COP1: variants seen among roughly 807,000 people sequenced by gnomAD.
COP1 encodes the protein E3 ubiquitin-protein ligase COP1.
In COP1, 24 loss-of-function variants were observed where a neutral mutation model predicts 101.3. The observed-to-expected ratio is 0.24, with a 90% CI of 0.17 to 0.33. The LOEUF is 0.33. Among genes scored for constraint, COP1 ranks in the 10% least tolerant of loss-of-function variants. The probability of loss-of-function intolerance (pLI) is 1.00; values close to 1 mark genes in which losing one functional copy is unlikely to be tolerated. For missense variants in COP1, 663 were observed against 906.2 expected (o/e 0.73, Z 3.45); for synonymous variants, 347 against 341.9 (o/e 1.01, Z -0.17).
Position 176,207,205 on chromosome 1 carries a change from TGTCGAGGCCGCCGCCGCCACCGCG to T in COP1, c.-251_-228del, listed in dbSNP as rs1442513752. The T allele has an allele frequency of 1.2e-5, 5 of 403,548 alleles. No individual in the cohort carries two copies. Among genetic ancestry groups the T allele is most frequent in the Non-Finnish European group, 2.2e-5 (5 of 230,772 alleles). The allele number at this position is 403,548 out of a possible 1,614,324, so 25.0% of individuals were successfully genotyped here. On this transcript the variant is annotated 5_prime_UTR_variant, in exon 1 of 20. Coordinates refer to ENST00000367669, the MANE Select transcript of COP1 (RefSeq NM_022457.7). The stretch of plus-strand genomic sequence containing the variant: ...AAAGCGGAGTAGAAGGCACTACCGC[TGTCGAGGCCGCCGCCGCCACCGCG>T]GTCCCTGTAGCAGCCAACCCCGGCG...
chr1:176,202,766 T>C (rs1340738690), intron 1 of COP1, among the ~76,000 whole-genome samples: 1 of 152,086 alleles, frequency 6.6e-6, no homozygotes, highest in Non-Finnish European at 1.5e-5. Context: ...GTAATGGCTA[T>C]ATATTGTACT....
intron 11 of COP1, among the ~76,000 whole-genome samples, chr1:176,072,513 C>G (rs897532107): frequency 6.6e-6 from 1 of 152,172 alleles, no homozygotes; most frequent in Non-Finnish European, 1.5e-5. Flanking sequence ...ATTTCTCAAC[C>G]AACCCCAGAT....
intron 5 of COP1, among the ~76,000 whole-genome samples, chr1:176,157,672 CAT>C (rs757801029): frequency 3.9e-5 from 6 of 152,152 alleles, no homozygotes; most frequent in Non-Finnish European, 8.8e-5. Context: ...AACTTAACTA[CAT>C]GTCAGGACAA....
intron 15 of COP1, among the ~76,000 whole-genome samples, chr1:176,023,124 A>T (rs1667042990): frequency 6.6e-6 from 1 of 152,198 alleles, no homozygotes; most frequent in Non-Finnish European, 1.5e-5. Context: ...GCTGAGAAAT[A>T]ACAGCTCTCC....
At chr1:176,165,367 T>TGTGTGTGTGTGTGTGTGTGTGG in intron 3 of COP1, among the ~76,000 whole-genome samples, 1 of 123,646 alleles carries the variant, frequency 8.1e-6, no homozygotes, top group African/African-American at 4.1e-5. Context: ...GTGTCGTGTG[T>TGTGTGTGTGTGTGTGTGTGTGG]GTGTGTGTGT....
intron 15 of COP1, among the ~76,000 whole-genome samples, chr1:176,024,673 A>G (rs1667370158): frequency 6.6e-6 from 1 of 152,184 alleles, no homozygotes; most frequent in Non-Finnish European, 1.5e-5. Flanking sequence ...TCAACTGCAG[A>G]TATGATTCTA....
At chr1:175,955,026 T>C (rs906760684) in intron 18 of COP1, among the ~76,000 whole-genome samples, 22 of 152,140 alleles carry the variant, frequency 1.4e-4, no homozygotes, top group East Asian at 5.8e-4. Flanking sequence ...GGCAGGTGGA[T>C]TGCTTGAGTC....
At chr1:176,022,718 T>C (rs1384453287) in intron 15 of COP1, among the ~76,000 whole-genome samples, 2 of 150,488 alleles carry the variant, frequency 1.3e-5, no homozygotes, top group Admixed American at 1.3e-4. Flanking sequence ...GATGCCTTGC[T>C]GATACTATCC....
At chr1:176,002,951 G>C (rs1165017960) in intron 15 of COP1, among the ~76,000 whole-genome samples, 4 of 147,172 alleles carry the variant, frequency 2.7e-5, no homozygotes, top group African/African-American at 5.0e-5. Context: ...CACAATGGTT[G>C]AACTAGTTTA....
intron 3 of COP1, among the ~76,000 whole-genome samples, chr1:176,167,597 A>G (rs1417977869): frequency 6.6e-6 from 1 of 152,214 alleles, no homozygotes; most frequent in East Asian, 1.9e-4. Context: ...TTTGTTAATT[A>G]TAATTCTACA....
In COP1 at chr1:176,203,389, C is replaced by G. The variant is rs139508019; in HGVS notation, c.407+3183G>C. Among the ~76,000 whole-genome samples the G allele has an allele frequency of 2.6e-3, 400 of 152,268 alleles. 3 individuals carry two copies. The highest frequency in any genetic ancestry group is 9.2e-3 in the African/African-American group (382 of 41,544). On this transcript the variant is annotated intron_variant, in intron 1 of 19. Transcript: ENST00000367669. ...TCATAAAGAGCTTACTATCTACATGCAAACGTATACTTCTGCTGCAAGAAT... is the reference window on the plus strand; with the variant it reads ...TCATAAAGAGCTTACTATCTACATGGAAACGTATACTTCTGCTGCAAGAAT...
chr1:176,114,636 G>C (rs1418224297), intron 9 of COP1, among the ~76,000 whole-genome samples: 2 of 151,910 alleles, frequency 1.3e-5, no homozygotes, highest in African/African-American at 2.4e-5. Flanking sequence ...CACCCAGGCT[G>C]GAGTACACTG....
intron 6 of COP1, among the ~76,000 whole-genome samples, chr1:176,146,955 A>C (rs1183474525): frequency 3.3e-5 from 5 of 152,218 alleles, no homozygotes; most frequent in Non-Finnish European, 7.3e-5. Context: ...AAATGAGTTA[A>C]ATGAATCTTA....
In COP1 at chr1:175,950,214, T is replaced by TAAA. The variant is rs55821760; in HGVS notation, c.2134-2978_2134-2976dup. On this transcript the variant is annotated intron_variant, in intron 18 of 19. Coordinates refer to ENST00000367669, the MANE Select transcript of COP1 (RefSeq NM_022457.7). Reference sequence around the variant, plus strand: ...AGAAACAGATAAATACTTTATGTGTTAAAAAAAAAAAAAGTCAACATACGA... The same window carrying TAAA: ...AGAAACAGATAAATACTTTATGTGTTAAAAAAAAAAAAAAAAGTCAACATACGA... 7.2e-4 allele frequency among the ~76,000 whole-genome samples: 105 copies of TAAA among 145,056 alleles called. 3 individuals are homozygous for TAAA. Among genetic ancestry groups the TAAA allele is most frequent in the African/African-American group, 2.6e-3 (102 of 39,704 alleles).
intron 9 of COP1, among the ~76,000 whole-genome samples, chr1:176,097,430 G>A (rs1420311993): frequency 2.6e-5 from 4 of 152,068 alleles, no homozygotes; most frequent in Non-Finnish European, 5.9e-5. Context: ...TCTCTTAAAG[G>A]CTCCACCTGG....
At chr1:175,945,305 T>C (rs1444497191) in intron 19 of COP1, 135 bp from the exon 20 acceptor site, 10 of 625,668 alleles carry the variant, frequency 1.6e-5, no homozygotes, top group African/African-American at 5.8e-5. Context: ...TGCCAAAGAA[T>C]TTGAATGGAT....
At chr1:176,111,267 C>G (rs1202677610) in intron 9 of COP1, among the ~76,000 whole-genome samples, 3 of 152,024 alleles carry the variant, frequency 2.0e-5, no homozygotes, top group Admixed American at 1.3e-4. Flanking sequence ...AAAATAAATG[C>G]TACCTAATTA....
At chr1:176,125,708 G>A (rs372499557) in intron 8 of COP1, among the ~76,000 whole-genome samples, 1 of 151,708 alleles carries the variant, frequency 6.6e-6, no homozygotes, top group East Asian at 1.9e-4. Context: ...GGCTCTTCTG[G>A]GTCTTTCGTG....
At chr1:176,041,869 T>C (rs563187111) in intron 14 of COP1, among the ~76,000 whole-genome samples, 1 of 152,118 alleles carries the variant, frequency 6.6e-6, no homozygotes, top group South Asian at 2.1e-4. Context: ...ATCCTAGCAC[T>C]TTGGGAGGTT....
Sources: allele counts gnomAD v4.1 joint callset (sites outside exome capture counted in the v4.1 genomes callset), GRCh38; gene constraint gnomAD v4.1.1; transcripts MANE v1.5; gene names NCBI Gene and HGNC (gene_info 2026-07-23, HGNC 2026-07-21).